Variants in CUX1 observed in about 807,000 individuals in gnomAD.
The protein encoded by CUX1 is protein CASP.
In CUX1, 31 loss-of-function variants were observed where a neutral mutation model predicts 158.8. That is an observed-to-expected ratio of 0.20 (90% CI 0.15 to 0.26). CUX1 has a LOEUF of 0.26. Ranked by LOEUF, CUX1 falls within the 10% of genes least tolerant of loss-of-function variation. The pLI is 1.00. For missense variants in CUX1, 1,589 were observed against 2,014.6 expected, an observed-to-expected ratio of 0.79 and a Z score of 4.04; for synonymous variants, 879 against 862.1, an observed-to-expected ratio of 1.02 and a Z score of -0.34.
chr7:102,134,117 T>G (rs1282024055), intron 8 of CUX1, among the ~76,000 whole-genome samples: 8 of 152,184 alleles, frequency 5.3e-5, no homozygotes, highest in African/African-American at 1.9e-4. Flanking sequence ...GGCAGATCAC[T>G]TTGAGGTCAG....
rs1585106714 is a variant in CUX1 at position 101,962,512 on chromosome 7, G to C, written c.141+46287G>C. ...GATAACGAACTGTTACTTGTCTTCT[G>C]TCTTTCCCGTGTCTGCCATGGGTTC... On this transcript the variant is annotated intron_variant, in intron 2 of 23. Coordinates refer to ENST00000292535, the MANE Select transcript of CUX1 (RefSeq NM_181552.4). 2.0e-5 allele frequency among the ~76,000 whole-genome samples: 3 copies of C among 152,182 alleles called. No homozygotes were observed. The East Asian group carries it at 5.8e-4, about 29-fold the overall frequency.
chr7:101,962,493 G>C (rs928919845), intron 2 of CUX1, among the ~76,000 whole-genome samples: 1 of 152,134 alleles, frequency 6.6e-6, no homozygotes, highest in Admixed American at 6.5e-5. Context: ...CGGAGATAAC[G>C]AACTGTTACT....
Position 102,075,478 on chromosome 7 carries a change from C to T in CUX1, c.268+5061C>T, listed in dbSNP as rs116545528. Among the ~76,000 whole-genome samples, 1,129 of 152,248 alleles carry T rather than the reference C, an allele frequency of 7.4e-3. 17 individuals are homozygous for T. Among genetic ancestry groups the T allele is most frequent in the African/African-American group, 0.026 (1,075 of 41,546 alleles). On this transcript the variant is annotated intron_variant, in intron 4 of 23. Coordinates refer to ENST00000292535, the MANE Select transcript of CUX1 (RefSeq NM_181552.4). The stretch of plus-strand genomic sequence containing the variant: ...CATAATTCCTTGGTAACTGTTTGGC[C>T]GAGAGACTGGTTCAGTGCGGTTTTG...
intron 3 of CUX1, among the ~76,000 whole-genome samples, chr7:102,063,033 CG>C (rs1825107720): frequency 6.6e-6 from 1 of 151,734 alleles, no homozygotes; most frequent in Admixed American, 6.6e-5. Flanking sequence ...TGAACCTGGG[CG>C]GGGAGGTTGC....
chr7:101,908,308 G>A (rs966565449), intron 1 of CUX1, among the ~76,000 whole-genome samples: 3 of 152,200 alleles, frequency 2.0e-5, no homozygotes, highest in African/African-American at 7.2e-5. Context: ...ACCATGCCTG[G>A]CTGATTTTTG....
chr7:102,124,978 C>T (rs983596054), intron 8 of CUX1, among the ~76,000 whole-genome samples: 4 of 152,048 alleles, frequency 2.6e-5, no homozygotes, highest in African/African-American at 7.2e-5. Context: ...GACAGGGTTT[C>T]GCCATGTTGG....
chr7:101,935,526 T>C (rs945542468), intron 2 of CUX1, among the ~76,000 whole-genome samples: 1 of 152,220 alleles, frequency 6.6e-6, no homozygotes, highest in Non-Finnish European at 1.5e-5. Context: ...GCACATCTGC[T>C]GTGGGTGCCC....
chr7:102,006,257 C>T (rs770541257), intron 2 of CUX1, among the ~76,000 whole-genome samples: 2 of 152,140 alleles, frequency 1.3e-5, no homozygotes, highest in African/African-American at 2.4e-5. Flanking sequence ...CTTTTAATGG[C>T]CAGGCTGATG....
intron 4 of CUX1, among the ~76,000 whole-genome samples, chr7:102,079,757 C>T (rs1827154345): frequency 6.6e-6 from 1 of 152,030 alleles, no homozygotes; most frequent in Non-Finnish European, 1.5e-5. Context: ...AATCACAGGC[C>T]CCAAACAAAA....
chr7:102,250,751 T>C lies in CUX1; in HGVS notation c.*1709T>C. 6 of 985,464 alleles carry C rather than the reference T, an allele frequency of 6.1e-6. No homozygotes were observed. Among genetic ancestry groups the C allele is most frequent in the Non-Finnish European group, 7.2e-6 (6 of 829,954 alleles). 61.0% of individuals were successfully genotyped at this position (985,464 alleles called of 1,614,324 possible). On this transcript the variant is annotated 3_prime_UTR_variant, in exon 24 of 24. Coordinates refer to ENST00000292535, the MANE Select transcript of CUX1 (RefSeq NM_181552.4). ...CTGATTCCTCCCTTGTCTATGTGTA[T>C]ATGCGTGAGAATAGAGGCGGGTGAG... is the stretch of plus-strand genomic sequence containing the variant.
At chr7:101,868,946 G>C (rs926811192) in intron 1 of CUX1, among the ~76,000 whole-genome samples, 1 of 152,174 alleles carries the variant, frequency 6.6e-6, no homozygotes, top group African/African-American at 2.4e-5. Flanking sequence ...AAACCTGGGC[G>C]AGAACAGGAG....
At chr7:102,010,095 A>G (rs1161425332) in intron 2 of CUX1, among the ~76,000 whole-genome samples, 2 of 152,036 alleles carry the variant, frequency 1.3e-5, no homozygotes, top group Non-Finnish European at 1.5e-5. Context: ...ATTCCATGAT[A>G]TGAAACAGCA....
At chr7:102,218,884 A>G (rs1164166518) in intron 20 of CUX1, among the ~76,000 whole-genome samples, 2 of 151,498 alleles carry the variant, frequency 1.3e-5, no homozygotes, top group Admixed American at 6.6e-5. Flanking sequence ...GAGGCCCCCC[A>G]TCTCCACAAA....
At chr7:102,197,468 C>G (rs371687163) in intron 15 of CUX1, among the ~76,000 whole-genome samples, 163 bp downstream of exon 15, 1 of 152,170 alleles carries the variant, frequency 6.6e-6, no homozygotes, top group Non-Finnish European at 1.5e-5. Flanking sequence ...AAGGGTGGCC[C>G]GGCATGAGTT....
intron 21 of CUX1, chr7:102,281,935 GGGCGGGCCAGA>G (rs1458103831): frequency 6.9e-6 from 11 of 1,584,064 alleles, no homozygotes; most frequent in Non-Finnish European, 6.1e-6. Flanking sequence ...GTGTGCACAC[GGGCGGGCCAGA>G]GGCACATTCA....
chr7:102,207,688 G>A (rs925501648), intron 20 of CUX1, among the ~76,000 whole-genome samples: 29 of 152,148 alleles, frequency 1.9e-4, no homozygotes, highest in Non-Finnish European at 3.2e-4. Context: ...CTGATCTCAG[G>A]TGATCCCCCC....
chr7:101,871,680 G>T (rs1798564849), intron 1 of CUX1, among the ~76,000 whole-genome samples: 1 of 152,198 alleles, frequency 6.6e-6, no homozygotes, highest in African/African-American at 2.4e-5. Flanking sequence ...GTGGTGGCAT[G>T]TGTGGTCACC....
rs782154310 is a variant in CUX1 at position 102,196,994 on chromosome 7, A to ATGT, written c.1584_1586dup (p.Val529dup). On this transcript the variant is annotated inframe_insertion, in exon 15 of 24. Coordinates refer to ENST00000292535, the MANE Select transcript of CUX1 (RefSeq NM_181552.4). Reference sequence around the variant, plus strand: ...CAAAGTCCATTACAACAAAGCCCAGATGTCAATGGCATGGCCCCATCCCCC... The same window carrying ATGT: ...CAAAGTCCATTACAACAAAGCCCAGATGTTGTCAATGGCATGGCCCCATCCCCC... 1.2e-6 allele frequency: 2 copies of ATGT among 1,614,212 alleles called. No homozygotes were observed. Among genetic ancestry groups the ATGT allele is most frequent in the Non-Finnish European group, 1.7e-6 (2 of 1,180,040 alleles).
intron 2 of CUX1, among the ~76,000 whole-genome samples, chr7:101,964,768 C>G (rs1300238884): frequency 6.6e-6 from 1 of 152,208 alleles, no homozygotes; most frequent in Non-Finnish European, 1.5e-5. Context: ...AGCTGTCAGC[C>G]TGTCTGTCCA....
Sources: gnomAD v4.1 joint callset for allele counts (sites outside exome capture counted in the v4.1 genomes callset) on GRCh38, gnomAD v4.1.1 for gene constraint, MANE v1.5 for transcripts, NCBI Gene and HGNC (gene_info 2026-07-23, HGNC 2026-07-21) for gene names.